The following GFM2 variants were observed in gnomAD, a reference collection of about 807,000 sequenced individuals.
GFM2 encodes the protein ribosome-releasing factor 2, mitochondrial.
GFM2 carries 72 observed loss-of-function variants against 95.4 expected under a neutral mutation model. The ratio of observed to expected loss-of-function variants is 0.76; its 90% confidence interval spans 0.62 to 0.92. The LOEUF is 0.92. Ranked by LOEUF, GFM2 falls within the 40% of genes least tolerant of loss-of-function variation. The pLI is 0.00. For synonymous variants in GFM2, 276 were observed against 317.5 expected (o/e 0.87, Z 1.39); for missense variants, 825 against 924.1 (o/e 0.89, Z 1.39).
At chr5:74,744,247 T>C (rs528516871) in intron 10 of GFM2, among the ~76,000 whole-genome samples, 2 of 152,294 alleles carry the variant, frequency 1.3e-5, no homozygotes, top group East Asian at 3.9e-4. Flanking sequence ...AGTATTTGTG[T>C]ATCTCAACAT....
chr5:74,760,485 C>T (rs1463590648), intron 3 of GFM2, among the ~76,000 whole-genome samples: 1 of 152,144 alleles, frequency 6.6e-6, no homozygotes, highest in Non-Finnish European at 1.5e-5. Flanking sequence ...TGTATCTAAC[C>T]TAAACAATCC....
chr5:74,752,205 T>A (rs973750119), intron 5 of GFM2, among the ~76,000 whole-genome samples: 2 of 152,310 alleles, frequency 1.3e-5, no homozygotes, highest in South Asian at 4.1e-4. Context: ...CTGAACTTTA[T>A]CCAAAAAGTT....
chr5:74,746,099 AT>A lies in GFM2; in HGVS notation c.669+5del. ...GAGAAGAAGCTGATGCTATTAACCAATTTACCTGTAAAAGCAAAGGCTTTGC... is the reference window on the plus strand; with the variant it reads ...GAGAAGAAGCTGATGCTATTAACCAATTACCTGTAAAAGCAAAGGCTTTGC... On this transcript the variant is annotated splice_donor_5th_base_variant and intron_variant, in intron 9 of 20. Coordinates refer to ENST00000296805, the MANE Select transcript of GFM2 (RefSeq NM_032380.5). The A allele has an allele frequency of 6.5e-7, 1 of 1,538,802 alleles. No homozygotes were observed. The highest frequency in any genetic ancestry group is 8.7e-7 in the Non-Finnish European group (1 of 1,143,226).
At chr5:74,729,262 C>T (rs1390611349) in intron 17 of GFM2, among the ~76,000 whole-genome samples, 2 of 152,180 alleles carry the variant, frequency 1.3e-5, no homozygotes, top group Middle Eastern at 3.2e-3. Flanking sequence ...ATCTTGTTCC[C>T]TTACCATACA....
chr5:74,732,665 C>T (rs1742631198), intron 16 of GFM2, among the ~76,000 whole-genome samples: 1 of 152,134 alleles, frequency 6.6e-6, no homozygotes, highest in South Asian at 2.1e-4. Flanking sequence ...CCTTCCAATC[C>T]TCCTTCTAGT....
chr5:74,743,623 G>C (rs186299267), intron 10 of GFM2, among the ~76,000 whole-genome samples: 72 of 152,190 alleles, frequency 4.7e-4, no homozygotes, highest in Non-Finnish European at 7.1e-4. Flanking sequence ...TAGATTACAA[G>C]ATCCTTCTTA....
At chr5:74,733,308 T>TAA in intron 15 of GFM2, 36 of 385,514 alleles carry the variant, frequency 9.3e-5, no homozygotes, top group South Asian at 3.4e-4. Flanking sequence ...CTGGGCAACA[T>TAA]GGCGAAACCC....
rs1191850675 is a variant in GFM2, at chr5:74,747,793, T to A, written c.520-13A>T. The A allele has an allele frequency of 1.3e-6, 2 of 1,515,634 alleles. No homozygotes were observed. 93.9% of individuals were successfully genotyped at this position (1,515,634 alleles called of 1,614,324 possible). ...TGAGAGTCTGGGCCTAAAGCAAAGATGAGGAAAAAAATACATACTGAACAA... is the reference window on the plus strand; with the variant it reads ...TGAGAGTCTGGGCCTAAAGCAAAGAAGAGGAAAAAAATACATACTGAACAA... On this transcript the variant is annotated splice_polypyrimidine_tract_variant and intron_variant, in intron 7 of 20. Transcript: ENST00000296805.
rs1163484320 is a variant in GFM2, at chr5:74,750,741, A to G, written c.431-74T>C. 6 of 1,027,054 alleles carry G rather than the reference A, an allele frequency of 5.8e-6. No homozygotes were observed. In the African/African-American group the frequency reaches 8.0e-5, roughly 14 times the overall value. The allele number at this position is 1,027,054 out of a possible 1,614,324, so 63.6% of individuals were successfully genotyped here. Reference sequence around the variant, plus strand: ...ATATGATCCAGCAATCTCACATCTCACTCCTGGGGAGGGGTGTGTGTGTAT... The same window carrying G: ...ATATGATCCAGCAATCTCACATCTCGCTCCTGGGGAGGGGTGTGTGTGTAT... On this transcript the variant is annotated intron_variant, in intron 6 of 20. Transcript: ENST00000296805.
chr5:74,738,401 G>A lies in GFM2; in HGVS notation c.1237C>T (p.Leu413=). The A allele has an allele frequency of 6.2e-7, 1 of 1,613,550 alleles. No homozygotes were observed. Among genetic ancestry groups the A allele is most frequent in the Non-Finnish European group, 8.5e-7 (1 of 1,179,648 alleles). The change falls in exon 14 of 21, where the codon CTG becomes TTG. Residue 413 remains leucine, a synonymous_variant. Coordinates refer to ENST00000296805, the MANE Select transcript of GFM2 (RefSeq NM_032380.5). ...TGTTGGTCAGCAAACGGCAAAAGCAGACGACTTATTCTCTCCCTGTAAAAT... is the reference window on the plus strand; with the variant it reads ...TGTTGGTCAGCAAACGGCAAAAGCAAACGACTTATTCTCTCCCTGTAAAAT... ...NGNCTERISR[L]LLPFADQHVE...
At chr5:74,747,580 C>A (rs1743448961) in intron 8 of GFM2, 112 bp downstream of exon 8, 2 of 607,194 alleles carry the variant, frequency 3.3e-6, no homozygotes, top group South Asian at 4.5e-5. Context: ...AATATTTATA[C>A]CCTATAATAC....
chr5:74,754,713 A>G (rs1428136165), intron 5 of GFM2, among the ~76,000 whole-genome samples: 1 of 152,230 alleles, frequency 6.6e-6, no homozygotes, highest in African/African-American at 2.4e-5. Context: ...AATTTATAAA[A>G]TAATTACTAC....
At chr5:74,748,945 AAAT>A (rs1409219359) in intron 7 of GFM2, among the ~76,000 whole-genome samples, 8 of 139,110 alleles carry the variant, frequency 5.8e-5, no homozygotes, top group African/African-American at 2.3e-4. Flanking sequence ...ATAAAAAATA[AAAT>A]AAAATAAAAT....
intron 15 of GFM2, among the ~76,000 whole-genome samples, chr5:74,734,137 C>T (rs1454148827): frequency 6.6e-6 from 1 of 152,004 alleles, no homozygotes; most frequent in African/African-American, 2.4e-5. Context: ...ATGGTAACCA[C>T]AGCCATTTGG....
At chr5:74,738,797 G>C (rs958427363) in intron 12 of GFM2, among the ~76,000 whole-genome samples, 155 bp from the exon 13 acceptor site, 7 of 151,912 alleles carry the variant, frequency 4.6e-5, no homozygotes, top group African/African-American at 1.5e-4. Context: ...TTCTTCCATT[G>C]ACTAAATTAC....
chr5:74,722,256 T>A, intron 20 of GFM2, 123 bp downstream of exon 20: 1 of 829,266 alleles, frequency 1.2e-6, no homozygotes, highest in Non-Finnish European at 1.9e-6. Context: ...GAAACGAAAC[T>A]TAACATGTAT....
At chr5:74,755,206 T>C (rs904579199) in intron 5 of GFM2, among the ~76,000 whole-genome samples, 6 of 152,160 alleles carry the variant, frequency 3.9e-5, no homozygotes, top group Admixed American at 2.6e-4. Flanking sequence ...CATCAGCATG[T>C]AGAACATTCT....
chr5:74,724,443 GC>G, intron 19 of GFM2, among the ~76,000 whole-genome samples: 1 of 149,274 alleles, frequency 6.7e-6, no homozygotes, highest in East Asian at 2.0e-4. Context: ...TTCAAGACCA[GC>G]CTGGGCAACA....
In GFM2 at chr5:74,758,977, T is replaced by C. The variant is rs747148997; in HGVS notation, c.207-31A>G. The C allele has an allele frequency of 1.7e-5, 24 of 1,443,350 alleles. No individual in the cohort carries two copies. The African/African-American group carries it at 2.7e-4, about 16-fold the overall frequency. The allele number at this position is 1,443,350 out of a possible 1,614,324, so 89.4% of individuals were successfully genotyped here. ...TAAAAGGAAAAAATAAGGTAAACTT[T>C]ACTAAAATTGTAAAACCAAAGTATA... On this transcript the variant is annotated intron_variant, in intron 4 of 20. Coordinates refer to ENST00000296805, the MANE Select transcript of GFM2 (RefSeq NM_032380.5).
Sources: allele counts gnomAD v4.1 joint callset (sites outside exome capture counted in the v4.1 genomes callset), GRCh38; gene constraint gnomAD v4.1.1; transcripts MANE v1.5; gene names NCBI Gene and HGNC (gene_info 2026-07-23, HGNC 2026-07-21).